GSE1: variants seen among roughly 807,000 people sequenced by gnomAD.
The protein encoded by GSE1 is Gse1 coiled-coil protein, also known as genetic suppressor element 1.
A neutral mutation model predicts 112.6 loss-of-function variants in GSE1; 32 were observed. The ratio of observed to expected loss-of-function variants is 0.28; its 90% confidence interval spans 0.21 to 0.38. The LOEUF (loss-of-function observed/expected upper bound fraction) is 0.38. Among genes scored for constraint, GSE1 ranks in the 10% least tolerant of loss-of-function variants. The pLI, the probability that GSE1 is intolerant of heterozygous loss-of-function variation, is 1.00. For synonymous variants in GSE1, 1,115 were observed against 735.6 expected (o/e 1.52, Z -8.35); for missense variants, 2,348 against 1,699.2 (o/e 1.38, Z -6.71).
chr16:85,252,228 G>A (rs559439145), intron 1 of GSE1, among the ~76,000 whole-genome samples: 3 of 152,146 alleles, frequency 2.0e-5, no homozygotes, highest in East Asian at 1.9e-4. Flanking sequence ...GGAATCTGGC[G>A]GCAGGAGGGG....
chr16:85,391,930 G>A (rs2047847747), intron 2 of GSE1, among the ~76,000 whole-genome samples: 1 of 152,116 alleles, frequency 6.6e-6, no homozygotes, highest in Non-Finnish European at 1.5e-5. Flanking sequence ...CATGCTAGGA[G>A]GTGGGTGTCC....
At chr16:85,341,270 GC>G (rs2046618866) in intron 1 of GSE1, among the ~76,000 whole-genome samples, 2 of 151,986 alleles carry the variant, frequency 1.3e-5, no homozygotes, top group Admixed American at 1.3e-4. Context: ...GCTCACTGCA[GC>G]CTTGACCTCC....
At chr16:85,255,222 C>G (rs1378099940) in intron 1 of GSE1, among the ~76,000 whole-genome samples, 5 of 152,156 alleles carry the variant, frequency 3.3e-5, no homozygotes, top group African/African-American at 4.8e-5. Context: ...CCAGAGGCTT[C>G]TCCCCCGACT....
chr16:85,320,210 C>A (rs1597384859), intron 1 of GSE1, among the ~76,000 whole-genome samples: 1 of 152,202 alleles, frequency 6.6e-6, no homozygotes, highest in Non-Finnish European at 1.5e-5. Context: ...GCAGCCGTGG[C>A]CCCACCCAGC....
At chr16:85,388,681 T>C (rs1296505276) in intron 2 of GSE1, among the ~76,000 whole-genome samples, 3 of 151,512 alleles carry the variant, frequency 2.0e-5, no homozygotes, top group Non-Finnish European at 2.9e-5. Context: ...GATGGATGGG[T>C]AGATGGGTGA....
At chr16:85,576,337 A>C (rs893129695) in intron 1 of GSE1, among the ~76,000 whole-genome samples, 1 of 152,250 alleles carries the variant, frequency 6.6e-6, no homozygotes, top group African/African-American at 2.4e-5. Flanking sequence ...TGGGTTTTCC[A>C]GACTCTACGA....
intron 2 of GSE1, among the ~76,000 whole-genome samples, chr16:85,361,714 G>A (rs1440741713): frequency 6.6e-6 from 1 of 152,246 alleles, no homozygotes; most frequent in African/African-American, 2.4e-5. Flanking sequence ...AGGTACAGGA[G>A]GAGCCTGTGC....
chr16:85,627,993 G>C (rs1032779828), intron 1 of GSE1, among the ~76,000 whole-genome samples: 1 of 152,100 alleles, frequency 6.6e-6, no homozygotes, highest in Non-Finnish European at 1.5e-5. Context: ...CCGAGGCCTC[G>C]GGGGCAGCAG....
intron 2 of GSE1, among the ~76,000 whole-genome samples, chr16:85,434,416 C>T (rs946206263): frequency 3.3e-5 from 5 of 152,012 alleles, no homozygotes; most frequent in African/African-American, 1.2e-4. Context: ...TTTTATTTCC[C>T]CAGTAATCCA....
intron 1 of GSE1, among the ~76,000 whole-genome samples, chr16:85,184,189 G>T (rs1018820447): frequency 1.3e-5 from 2 of 152,140 alleles, no homozygotes; most frequent in Admixed American, 1.3e-4. Flanking sequence ...TCTTGGGAAG[G>T]GCTTCTGGAC....
intron 1 of GSE1, among the ~76,000 whole-genome samples, chr16:85,216,028 A>G (rs1389926157): frequency 1.3e-5 from 2 of 152,294 alleles, no homozygotes; most frequent in Non-Finnish European, 1.5e-5. Context: ...GGGTCAGCCC[A>G]CAGCCAACAG....
intron 1 of GSE1, among the ~76,000 whole-genome samples, chr16:85,270,876 G>A (rs983632579): frequency 6.6e-6 from 1 of 152,146 alleles, no homozygotes; most frequent in African/African-American, 2.4e-5. Context: ...ACAGAGGCAG[G>A]CGGACATGGA....
chr16:85,551,999 C>G (rs529237133), upstream of GSE1, among the ~76,000 whole-genome samples: 228 of 152,264 alleles, frequency 1.5e-3, no homozygotes, highest in Non-Finnish European at 2.2e-3. Flanking sequence ...GCCCCTGCTT[C>G]GCCTCCGTGC....
chr16:85,537,101 G>C (rs557096763), intron 2 of GSE1, among the ~76,000 whole-genome samples: 2 of 152,340 alleles, frequency 1.3e-5, no homozygotes, highest in South Asian at 4.1e-4. Context: ...AGCGAGACAG[G>C]AGGGAGATTC....
intron 2 of GSE1, among the ~76,000 whole-genome samples, chr16:85,450,297 T>C (rs1439316847): frequency 6.6e-6 from 1 of 151,552 alleles, no homozygotes; most frequent in East Asian, 1.9e-4. Flanking sequence ...TTTGTATTTT[T>C]AGTAGAGATG....
At chr16:85,251,022 C>A (rs1906414281) in intron 1 of GSE1, among the ~76,000 whole-genome samples, 1 of 152,230 alleles carries the variant, frequency 6.6e-6, no homozygotes, top group Non-Finnish European at 1.5e-5. Context: ...GAGTAATATT[C>A]CACTGTGTGG....
In GSE1 at chr16:85,574,828, C is replaced by T. The variant is rs1010867545; in HGVS notation, c.37+18465C>T. Among the ~76,000 whole-genome samples, 10 of 152,364 alleles carry T rather than the reference C, an allele frequency of 6.6e-5. No individual in the cohort carries two copies. The South Asian group carries it at 8.3e-4, about 13-fold the overall frequency. On this transcript the variant is annotated intron_variant, in intron 1 of 2. Coordinates refer to the GSE1 transcript ENST00000635906. ...AGCCAGGGTGGGAGGCAGCAGGCATCGGTCACGGACCCTTGGGGGCTCCCT... is the reference window on the plus strand; with the variant it reads ...AGCCAGGGTGGGAGGCAGCAGGCATTGGTCACGGACCCTTGGGGGCTCCCT...
Position 85,634,053 on chromosome 16 carries a change from G to A in GSE1, c.147G>A (p.Ala49=), listed in dbSNP as rs375526805. The A allele has an allele frequency of 1.2e-4, 191 of 1,608,928 alleles. No individual in the cohort carries two copies. Among genetic ancestry groups the A allele is most frequent in the South Asian group, 1.0e-3 (93 of 90,706 alleles). ...VPSGSPATSS[A]LSAQAAPSSS... ...GCGGCAGCCCCGCCACCAGCAGCGCGCTGTCGGCCCAGGCCGCGCCATCCT... is the reference window on the plus strand; with the variant it reads ...GCGGCAGCCCCGCCACCAGCAGCGCACTGTCGGCCCAGGCCGCGCCATCCT... The change falls in exon 2 of 16, where the codon GCG becomes GCA. Residue 49 remains alanine, a synonymous_variant. Transcript: ENST00000253458.
intron 1 of GSE1, among the ~76,000 whole-genome samples, chr16:85,212,081 C>T (rs1401762071): frequency 6.6e-6 from 1 of 152,188 alleles, no homozygotes; most frequent in Non-Finnish European, 1.5e-5. Context: ...GTGCCTGTGT[C>T]TGTAGATAGG....
Sources: allele counts gnomAD v4.1 joint callset (sites outside exome capture counted in the v4.1 genomes callset), GRCh38; gene constraint gnomAD v4.1.1; transcripts MANE v1.5; gene names NCBI Gene and HGNC (gene_info 2026-07-23, HGNC 2026-07-21).